SIN3A: variants seen among roughly 807,000 people sequenced by gnomAD.
SIN3A encodes SIN3 transcription regulator family member A, also known as paired amphipathic helix protein Sin3a.
A neutral mutation model predicts 146.1 loss-of-function variants in SIN3A; 14 were observed. The observed-to-expected ratio is 0.10, with a 90% CI of 0.06 to 0.15. SIN3A has a LOEUF of 0.15. Ranked by LOEUF, SIN3A falls within the 10% of genes least tolerant of loss-of-function variation. The pLI is 1.00. For missense variants in SIN3A, 1,028 were observed against 1,576.0 expected (o/e 0.65, Z 5.89); for synonymous variants, 572 against 572.0 (o/e 1.00, Z 0.00).
intron 1 of SIN3A, among the ~76,000 whole-genome samples, chr15:75,437,045 T>C (rs1248792728): frequency 1.3e-5 from 2 of 152,218 alleles, no homozygotes; most frequent in Non-Finnish European, 2.9e-5. Context: ...TGCCTGGCCC[T>C]GTGCGGAGGG....
At chr15:75,388,004 TCC>T (rs1435119796) in intron 16 of SIN3A, among the ~76,000 whole-genome samples, 1 of 152,192 alleles carries the variant, frequency 6.6e-6, no homozygotes, top group African/African-American at 2.4e-5. Context: ...GAAGGGCTCT[TCC>T]TCAATCCTGT....
chr15:75,373,073 C>T (rs997114681), intron 20 of SIN3A, among the ~76,000 whole-genome samples: 1 of 152,140 alleles, frequency 6.6e-6, no homozygotes, highest in African/African-American at 2.4e-5. Flanking sequence ...AGATGTTCTG[C>T]AGGGGGTTCT....
intron 2 of SIN3A, among the ~76,000 whole-genome samples, chr15:75,423,640 T>C (rs919422491): frequency 2.6e-5 from 4 of 152,112 alleles, no homozygotes; most frequent in Admixed American, 1.3e-4. Flanking sequence ...ATCGTGCCAC[T>C]GCAATCCAGC....
intron 3 of SIN3A, chr15:75,422,330 T>C (rs1007971772): frequency 6.7e-6 from 4 of 595,148 alleles, no homozygotes; most frequent in South Asian, 4.2e-5. Flanking sequence ...ATGTGCTCAA[T>C]AGAGAGTTCA....
At chr15:75,405,122 T>C (rs2073485408) in intron 9 of SIN3A, among the ~76,000 whole-genome samples, 1 of 151,750 alleles carries the variant, frequency 6.6e-6, no homozygotes, top group Non-Finnish European at 1.5e-5. Flanking sequence ...ATCCCAGCAC[T>C]TTGGGAGGCG....
At chr15:75,394,920 A>G in intron 13 of SIN3A, 57 bp from the exon 14 acceptor site, 1 of 1,513,548 alleles carries the variant, frequency 6.6e-7, no homozygotes, top group East Asian at 2.3e-5. Flanking sequence ...GTTTAGAAGA[A>G]AGAAATTTGC....
At chr15:75,414,385 T>C in intron 3 of SIN3A, 74 bp from the exon 4 acceptor site, 1 of 712,942 alleles carries the variant, frequency 1.4e-6, no homozygotes, top group South Asian at 3.6e-5. Flanking sequence ...CAAAAACAAA[T>C]TATTTATGCC....
In SIN3A at chr15:75,392,332, T is replaced by G; in HGVS notation, c.2761A>C (p.Asn921His). ...SQAERQIEEE[N>H]REREWEREVL... Reference sequence around the variant, plus strand: ...TCCCGTTCCCATTCTCTCTCTCGGTTTTCTTCTTCAATTTGCCGTTCGGCT... The same window carrying G: ...TCCCGTTCCCATTCTCTCTCTCGGTGTTCTTCTTCAATTTGCCGTTCGGCT... The change falls in exon 15 of 21, where the codon AAC (asparagine) becomes CAC (histidine). Residue 921 changes from asparagine (N) to histidine (H), a missense_variant. This residue lies in a region of SIN3A where 488 missense variants were observed against 690.2 expected (regional missense o/e 0.71). Transcript: ENST00000394947. The G allele has an allele frequency of 6.2e-7, 1 of 1,614,236 alleles. No individual in the cohort carries two copies. Among genetic ancestry groups the G allele is most frequent in the South Asian group, 1.1e-5 (1 of 91,086 alleles).
upstream of SIN3A, among the ~76,000 whole-genome samples, chr15:75,454,387 G>T (rs2074457603): frequency 6.6e-6 from 1 of 152,016 alleles, no homozygotes; most frequent in African/African-American, 2.4e-5. Flanking sequence ...AGCCGCCGGC[G>T]GAGTAGATAG....
intron 16 of SIN3A, among the ~76,000 whole-genome samples, chr15:75,388,996 AT>A (rs748103614): frequency 9.9e-5 from 15 of 152,204 alleles, no homozygotes. Context: ...AAAGAACAAC[AT>A]GTTTACAAGT....
intron 8 of SIN3A, 87 bp downstream of exon 8, chr15:75,409,749 A>G (rs1287261133): frequency 2.1e-6 from 3 of 1,440,894 alleles, no homozygotes; most frequent in Non-Finnish European, 1.9e-6. Context: ...AAAAACAACA[A>G]CAACAAAACA....
At chr15:75,381,011 G>T in intron 18 of SIN3A, 1 of 192,380 alleles carries the variant, frequency 5.2e-6, no homozygotes, top group Non-Finnish European at 1.1e-5. Flanking sequence ...AGAGCATTTT[G>T]TTAAAGAACA....
In SIN3A at chr15:75,372,892, AC is replaced by A. The variant is rs2072780456; in HGVS notation, c.3592-684del. On this transcript the variant is annotated intron_variant, in intron 20 of 20. Transcript: ENST00000394947. Reference sequence around the variant, plus strand: ...CTTGGTTTACCAATGTGCATTTTAAACCAGCAATCCAGCTGATTCTAATGTA... The same window carrying A: ...CTTGGTTTACCAATGTGCATTTTAAACAGCAATCCAGCTGATTCTAATGTA... 2.0e-5 allele frequency among the ~76,000 whole-genome samples: 3 copies of A among 152,052 alleles called. No individual in the cohort carries two copies. The South Asian group carries it at 6.2e-4, about 32-fold the overall frequency.
intron 7 of SIN3A, 23 bp from the exon 8 acceptor site, chr15:75,410,014 A>G (rs1057402938): frequency 1.2e-6 from 2 of 1,612,556 alleles, no homozygotes; most frequent in African/African-American, 1.3e-5. Flanking sequence ...CATGAATGAG[A>G]TTAATGCTCT....
intron 19 of SIN3A, among the ~76,000 whole-genome samples, chr15:75,376,646 C>T (rs1000950258): frequency 6.6e-6 from 1 of 151,022 alleles, no homozygotes; most frequent in African/African-American, 2.4e-5. Flanking sequence ...TGCTTGAGCT[C>T]AGGAGTTTGA....
At chr15:75,451,365 A>C (rs1253930085) in intron 1 of SIN3A, 58 bp downstream of exon 1, 2 of 129,644 alleles carry the variant, frequency 1.5e-5, no homozygotes, top group East Asian at 5.0e-4. Context: ...CACACCCTCG[A>C]GTCCGGCGTT....
In SIN3A at chr15:75,396,513, A is replaced by AG; in HGVS notation, c.1855-18dup. 1 of 1,571,938 alleles carries AG rather than the reference A, an allele frequency of 6.4e-7. No homozygotes were observed. Among genetic ancestry groups the AG allele is most frequent in the Non-Finnish European group, 8.7e-7 (1 of 1,143,558 alleles). ...TACATCAAGCTGAAGAGGAAGACAA[A>AG]GAAGGGTATGCTCAGGACCCAAATC... On this transcript the variant is annotated splice_polypyrimidine_tract_variant and intron_variant, in intron 12 of 20. Transcript: ENST00000394947.
At chr15:75,384,169 A>C (rs1188319287) in intron 17 of SIN3A, 95 bp downstream of exon 17, 1 of 953,210 alleles carries the variant, frequency 1.0e-6, no homozygotes, top group African/African-American at 1.7e-5. Context: ...GTAGAATCAC[A>C]GGTCAAAGTA....
intron 19 of SIN3A, 119 bp from the exon 20 acceptor site, chr15:75,375,991 C>T: frequency 1.0e-6 from 1 of 971,856 alleles, no homozygotes; most frequent in Non-Finnish European, 1.6e-6. Context: ...TTGTTAAATA[C>T]ATACACAAAT....
Sources: gnomAD v4.1 joint callset for allele counts (sites outside exome capture counted in the v4.1 genomes callset) on GRCh38, gnomAD v4.1.1 for gene constraint, gnomAD v4.1.1 regional missense constraint, MANE v1.5 for transcripts, NCBI Gene and HGNC (gene_info 2026-07-23, HGNC 2026-07-21) for gene names.